The following RHOJ variants were observed in gnomAD, a reference collection of about 807,000 sequenced individuals.
RHOJ encodes the protein ras homolog family member J.
In RHOJ, 11 loss-of-function variants were observed where a neutral mutation model predicts 23.4. The observed-to-expected ratio is 0.47, with a 90% confidence interval of 0.30 to 0.78. RHOJ has a LOEUF of 0.78. Among genes scored for constraint, RHOJ ranks in the 30% least tolerant of loss-of-function variants. The pLI is 0.08. For missense variants in RHOJ, 254 were observed against 273.4 expected (o/e 0.93, Z 0.50); for synonymous variants, 102 against 102.7 (o/e 0.99, Z 0.04).
intron 1 of RHOJ, among the ~76,000 whole-genome samples, chr14:63,212,213 C>G (rs1894252758): frequency 6.6e-6 from 1 of 152,146 alleles, no homozygotes. Context: ...CGTTTTCAAT[C>G]ACACTGCATA....
chr14:63,253,777 T>C (rs892908172), intron 1 of RHOJ, among the ~76,000 whole-genome samples: 6 of 152,210 alleles, frequency 3.9e-5, no homozygotes, highest in African/African-American at 1.4e-4. Flanking sequence ...AAGAGAACAT[T>C]TTTTGTTGAC....
intron 1 of RHOJ, among the ~76,000 whole-genome samples, chr14:63,229,917 C>T (rs1298299185): frequency 6.6e-6 from 1 of 152,204 alleles, no homozygotes; most frequent in Non-Finnish European, 1.5e-5. Context: ...TGGCTCTTAA[C>T]ATGTCAACAC....
intron 1 of RHOJ, among the ~76,000 whole-genome samples, chr14:63,242,603 T>C (rs1484091167): frequency 6.6e-6 from 1 of 152,082 alleles, no homozygotes; most frequent in Non-Finnish European, 1.5e-5. Flanking sequence ...TGTTGGGAGT[T>C]GATGTGCAGG....
chr14:63,239,724 G>GC (rs1273342437), intron 1 of RHOJ, among the ~76,000 whole-genome samples: 4 of 152,156 alleles, frequency 2.6e-5, no homozygotes, highest in African/African-American at 7.2e-5. Context: ...GTGTGCCTTG[G>GC]CTGCCATTTT....
Position 63,204,600 on chromosome 14 carries a change from T to C in RHOJ, c.-270T>C. The stretch of plus-strand genomic sequence containing the variant: ...CTAGGCTGTTAGGAAGCCCCTCGAA[T>C]TCTGTGAAAATGAGGGTTTCTTAAC... On this transcript the variant is annotated 5_prime_UTR_variant, in exon 1 of 5. Transcript: ENST00000316754. 1 of 482,728 alleles carries C rather than the reference T, an allele frequency of 2.1e-6. No homozygotes were observed. The allele number at this position is 482,728 out of a possible 1,614,324, so 29.9% of individuals were successfully genotyped here. A position where few individuals can be genotyped will look rare whatever the true frequency, so the allele number is the denominator to read the frequency against.
chr14:63,277,966 A>ACACACACACACAC (rs1555348905), intron 2 of RHOJ, among the ~76,000 whole-genome samples: 1 of 141,408 alleles, frequency 7.1e-6, no homozygotes, highest in Non-Finnish European at 1.5e-5. Flanking sequence ...CAGCTACACA[A>ACACACACACACAC]ACACACACAC....
intron 1 of RHOJ, among the ~76,000 whole-genome samples, chr14:63,209,679 C>T (rs1196969629): frequency 6.6e-6 from 1 of 152,212 alleles, no homozygotes; most frequent in African/African-American, 2.4e-5. Context: ...TATAGACACT[C>T]AACAGACTCT....
At chr14:63,243,876 C>T (rs551849321) in intron 1 of RHOJ, among the ~76,000 whole-genome samples, 1 of 152,250 alleles carries the variant, frequency 6.6e-6, no homozygotes, top group East Asian at 1.9e-4. Context: ...CATACACTCT[C>T]TTCCAAGGCA....
In RHOJ at chr14:63,263,535, G is replaced by T. The variant is rs555976891; in HGVS notation, c.179-5575G>T. Among the ~76,000 whole-genome samples the T allele has an allele frequency of 1.2e-4, 18 of 152,224 alleles. No homozygotes were observed. In the East Asian group the frequency reaches 3.5e-3, roughly 29 times the overall value. The stretch of plus-strand genomic sequence containing the variant: ...GATAGAACGAGAGAATAAAAGGGCC[G>T]AGAAGAGGAAATGAAAAGTTAAGGG... On this transcript the variant is annotated intron_variant, in intron 1 of 4. Coordinates refer to ENST00000316754, the MANE Select transcript of RHOJ (RefSeq NM_020663.5).
Position 63,278,546 on chromosome 14 carries a change from ATATAT to A in RHOJ, c.238-2421_238-2417del, listed in dbSNP as rs201169163. ...CACCCATCAACCCGTTATCTAATAA[ATATAT>A]TATTAGAGTCAATAGAAAGGTTGAT... On this transcript the variant is annotated intron_variant, in intron 2 of 4. Coordinates refer to ENST00000316754, the MANE Select transcript of RHOJ (RefSeq NM_020663.5). Among the ~76,000 whole-genome samples, 1,368 of 152,304 alleles carry A rather than the reference ATATAT, an allele frequency of 9.0e-3. 27 individuals carry two copies. Among genetic ancestry groups the A allele is most frequent in the African/African-American group, 0.031 (1,276 of 41,550 alleles).
rs1360308417 is a variant in RHOJ, at chr14:63,293,285, G to A, written c.*2261G>A. On this transcript the variant is annotated 3_prime_UTR_variant, in exon 5 of 5. Coordinates refer to ENST00000316754, the MANE Select transcript of RHOJ (RefSeq NM_020663.5). ...CCACTCATTTCTCACTGATGTGGAT[G>A]AAAAAATGAGAGCAGTATGTTTCCA... The A allele has an allele frequency of 1.3e-5, 2 of 152,174 alleles. No individual in the cohort carries two copies. Among genetic ancestry groups the A allele is most frequent in the Admixed American group, 1.3e-4 (2 of 15,286 alleles). The allele number at this position is 152,174 out of a possible 1,614,324, so 9.4% of individuals were successfully genotyped here. A position where few individuals can be genotyped will look rare whatever the true frequency, so the allele number is the denominator to read the frequency against.
chr14:63,205,461 CTT>C (rs927726710), intron 1 of RHOJ, among the ~76,000 whole-genome samples: 15 of 152,280 alleles, frequency 9.9e-5, no homozygotes, highest in African/African-American at 3.4e-4. Flanking sequence ...TCTTGCCGCT[CTT>C]TGCGTATTCA....
chr14:63,214,628 C>G (rs1894313188), intron 1 of RHOJ, among the ~76,000 whole-genome samples: 1 of 152,030 alleles, frequency 6.6e-6, no homozygotes, highest in Admixed American at 6.6e-5. Flanking sequence ...TAGAGAGCTC[C>G]TGGAAGAAGG....
At chr14:63,228,412 T>C (rs1037243252) in intron 1 of RHOJ, among the ~76,000 whole-genome samples, 6 of 152,188 alleles carry the variant, frequency 3.9e-5, no homozygotes, top group Non-Finnish European at 5.9e-5. Context: ...GGCAGCGTTG[T>C]TTGTAATAGC....
intron 1 of RHOJ, among the ~76,000 whole-genome samples, chr14:63,256,833 G>A (rs1291039127): frequency 1.3e-5 from 2 of 152,124 alleles, no homozygotes; most frequent in African/African-American, 4.8e-5. Flanking sequence ...CAAAACTTTG[G>A]GAGGTCGAGG....
chr14:63,280,032 T>C (rs1334222556), intron 2 of RHOJ, among the ~76,000 whole-genome samples: 1 of 152,140 alleles, frequency 6.6e-6, no homozygotes, highest in Non-Finnish European at 1.5e-5. Flanking sequence ...TTTTATTTTG[T>C]TTGTTTTTTG....
At chr14:63,254,348 C>T (rs1235333927) in intron 1 of RHOJ, among the ~76,000 whole-genome samples, 1 of 152,154 alleles carries the variant, frequency 6.6e-6, no homozygotes, top group Non-Finnish European at 1.5e-5. Context: ...CAAGACTCCA[C>T]AACTCACTTC....
intron 1 of RHOJ, among the ~76,000 whole-genome samples, chr14:63,248,252 T>G (rs1218700274): frequency 6.6e-6 from 1 of 152,210 alleles, no homozygotes; most frequent in Non-Finnish European, 1.5e-5. Flanking sequence ...GGGCAAAATT[T>G]TGATAATTTA....
At chr14:63,279,258 G>T (rs1446387853) in intron 2 of RHOJ, among the ~76,000 whole-genome samples, 1 of 152,200 alleles carries the variant, frequency 6.6e-6, no homozygotes, top group Non-Finnish European at 1.5e-5. Flanking sequence ...TATCATAGGT[G>T]TGAACATATA....
Sources: allele counts gnomAD v4.1 joint callset (sites outside exome capture counted in the v4.1 genomes callset), GRCh38; gene constraint gnomAD v4.1.1; transcripts MANE v1.5; gene names NCBI Gene and HGNC (gene_info 2026-07-23, HGNC 2026-07-21).